The following EPHA4 variants were observed in gnomAD, a reference collection of about 807,000 sequenced individuals.
The protein encoded by EPHA4 is ephrin type-A receptor 4.
Under a neutral mutation model 108.3 loss-of-function variants are expected in EPHA4, and 19 were observed. The observed-to-expected ratio is 0.18, with a 90% CI of 0.12 to 0.26. EPHA4 has a LOEUF of 0.26. Ranked by LOEUF, EPHA4 falls within the 10% of genes least tolerant of loss-of-function variation. EPHA4 has a pLI of 1.00. For synonymous variants in EPHA4, 449 were observed against 455.5 expected (o/e 0.99, Z 0.18); for missense variants, 917 against 1,254.0 (o/e 0.73, Z 4.06).
intron 5 of EPHA4, among the ~76,000 whole-genome samples, chr2:221,470,742 C>T (rs1055357206): frequency 6.6e-6 from 1 of 152,008 alleles, no homozygotes; most frequent in African/African-American, 2.4e-5. Context: ...GGGATAGAGA[C>T]CTTTGGGTTA....
At chr2:221,547,677 T>G (rs1415941909) in intron 3 of EPHA4, among the ~76,000 whole-genome samples, 1 of 152,186 alleles carries the variant, frequency 6.6e-6, no homozygotes, top group Non-Finnish European at 1.5e-5. Flanking sequence ...CATTTTTAAA[T>G]ACTCTTCTCA....
chr2:221,496,232 CA>C (rs1171131032), intron 4 of EPHA4, among the ~76,000 whole-genome samples: 1 of 152,056 alleles, frequency 6.6e-6, no homozygotes, highest in Non-Finnish European at 1.5e-5. Flanking sequence ...CAGTATTGTC[CA>C]ATAGAACTTT....
At chr2:221,524,143 G>A (rs781280591) in intron 3 of EPHA4, among the ~76,000 whole-genome samples, 3 of 152,200 alleles carry the variant, frequency 2.0e-5, no homozygotes, top group Non-Finnish European at 2.9e-5. Flanking sequence ...AAGTAGCGGA[G>A]CAGAAGTCAG....
intron 17 of EPHA4, among the ~76,000 whole-genome samples, chr2:221,423,532 T>A (rs756713642): frequency 6.6e-6 from 1 of 152,182 alleles, no homozygotes; most frequent in African/African-American, 2.4e-5. Context: ...ATTTTGAAGA[T>A]TCAGACGGTG....
chr2:221,458,489 A>T (rs914550930), intron 5 of EPHA4, among the ~76,000 whole-genome samples: 2 of 152,210 alleles, frequency 1.3e-5, no homozygotes, highest in Non-Finnish European at 2.9e-5. Flanking sequence ...AACAATTTAC[A>T]TACTTTCCAA....
intron 5 of EPHA4, among the ~76,000 whole-genome samples, chr2:221,477,098 C>A (rs1691676782): frequency 6.6e-6 from 1 of 151,542 alleles, no homozygotes; most frequent in Admixed American, 6.6e-5. Context: ...CTTAATTGTC[C>A]AACCCTAGAG....
chr2:221,425,955 G>T lies in EPHA4; in HGVS notation c.*73C>A. The T allele has an allele frequency of 8.3e-7, 1 of 1,205,568 alleles. No individual in the cohort carries two copies. Among genetic ancestry groups the T allele is most frequent in the Non-Finnish European group, 1.2e-6 (1 of 819,058 alleles). 74.7% of individuals were successfully genotyped at this position (1,205,568 alleles called of 1,614,324 possible). A position where few individuals can be genotyped will look rare whatever the true frequency, so the allele number is the denominator to read the frequency against. ...AGAGGGCGAAGACGAAGTAAAAAAA[G>T]TGCAGTTCTTCAATTAAAGTGCATG... is the stretch of plus-strand genomic sequence containing the variant. On this transcript the variant is annotated 3_prime_UTR_variant, in exon 17 of 18. Coordinates refer to ENST00000281821, the MANE Select transcript of EPHA4 (RefSeq NM_004438.5).
At chr2:221,427,354 C>G (rs1689944747) in intron 15 of EPHA4, among the ~76,000 whole-genome samples, 1 of 152,174 alleles carries the variant, frequency 6.6e-6, no homozygotes, top group Non-Finnish European at 1.5e-5. Context: ...TATTAGTTTA[C>G]TCATTTCTTA....
Position 221,571,653 on chromosome 2 carries a change from G to T in EPHA4, c.91+505C>A, listed in dbSNP as rs1225837390. On this transcript the variant is annotated intron_variant, in intron 1 of 17. Transcript: ENST00000281821. The surrounding 1 kb of genome is among the most constrained non-coding windows in gnomAD (Gnocchi z 6.3). ...TGACGAGCGGCGCCACGACCGCTGCGCTGCGGAGCAGGCCCCGCAGCCCGG... is the reference window on the plus strand; with the variant it reads ...TGACGAGCGGCGCCACGACCGCTGCTCTGCGGAGCAGGCCCCGCAGCCCGG... Among the ~76,000 whole-genome samples, 1 of 152,140 alleles carries T rather than the reference G, an allele frequency of 6.6e-6. No homozygotes were observed. The highest frequency in any genetic ancestry group is 1.5e-5 in the Non-Finnish European group (1 of 68,026).
At chr2:221,508,106 T>G (rs965310629) in intron 3 of EPHA4, among the ~76,000 whole-genome samples, 6 of 152,230 alleles carry the variant, frequency 3.9e-5, no homozygotes, top group African/African-American at 1.2e-4. Flanking sequence ...GAACCACTGC[T>G]TAACTGTAAA....
intron 14 of EPHA4, 138 bp downstream of exon 14, chr2:221,434,004 A>AG (rs1690157411): frequency 1.3e-6 from 1 of 770,386 alleles, no homozygotes; most frequent in Non-Finnish European, 2.0e-6. Context: ...ATGTTGAACT[A>AG]GCTTGCTAGA....
intron 3 of EPHA4, among the ~76,000 whole-genome samples, chr2:221,521,303 T>A (rs1176339418): frequency 6.6e-6 from 1 of 152,198 alleles, no homozygotes; most frequent in Non-Finnish European, 1.5e-5. Flanking sequence ...AACGGGAGGA[T>A]CTCATTTCCA....
At chr2:221,466,874 T>C (rs2106126301) in intron 5 of EPHA4, among the ~76,000 whole-genome samples, 1 of 151,254 alleles carries the variant, frequency 6.6e-6, no homozygotes, top group East Asian at 1.9e-4. Context: ...AAGCGGCTGA[T>C]CTCTGCCCCT....
At chr2:221,442,737 C>T in intron 11 of EPHA4, 92 bp downstream of exon 11, 1 of 1,329,190 alleles carries the variant, frequency 7.5e-7, no homozygotes, top group Non-Finnish European at 1.1e-6. Context: ...ATCAGTGGGT[C>T]TGCGCCATCT....
chr2:221,557,990 A>G (rs1392799935), intron 3 of EPHA4, among the ~76,000 whole-genome samples: 2 of 152,242 alleles, frequency 1.3e-5, no homozygotes, highest in African/African-American at 4.8e-5. Context: ...AAGTATTACT[A>G]GGAAATACTG....
intron 4 of EPHA4, among the ~76,000 whole-genome samples, chr2:221,499,754 ATATTT>A (rs1321309674): frequency 6.9e-4 from 24 of 34,840 alleles, no homozygotes; most frequent in Admixed American, 9.9e-4. Context: ...ATATATATAT[ATATTT>A]TTTTTTTTTT....
intron 17 of EPHA4, among the ~76,000 whole-genome samples, chr2:221,420,920 C>T (rs896482789): frequency 6.6e-6 from 1 of 152,148 alleles, no homozygotes; most frequent in African/African-American, 2.4e-5. Context: ...CTTTAACCAC[C>T]GTGTTGAACA....
chr2:221,446,827 T>G (rs906683273), intron 8 of EPHA4, among the ~76,000 whole-genome samples: 5 of 152,172 alleles, frequency 3.3e-5, no homozygotes, highest in Non-Finnish European at 5.9e-5. Context: ...GTTCCCTAAT[T>G]TGTAAAAAAA....
At chr2:221,465,205 G>T (rs1691267417) in intron 5 of EPHA4, among the ~76,000 whole-genome samples, 1 of 152,102 alleles carries the variant, frequency 6.6e-6, no homozygotes, top group Admixed American at 6.6e-5. Context: ...GTCTGATTTT[G>T]GAACACTATA....
Sources: allele counts gnomAD v4.1 joint callset (sites outside exome capture counted in the v4.1 genomes callset), GRCh38; gene constraint gnomAD v4.1.1; non-coding constraint Gnocchi (gnomAD v3.1); transcripts MANE v1.5; gene names NCBI Gene and HGNC (gene_info 2026-07-23, HGNC 2026-07-21).